PNLIPRP3: variants seen among roughly 807,000 people sequenced by gnomAD.
PNLIPRP3 encodes pancreatic lipase related protein 3.
A neutral mutation model predicts 52.8 loss-of-function variants in PNLIPRP3; 58 were observed. That is an observed-to-expected ratio of 1.10 (90% CI 0.89 to 1.37). The LOEUF is 1.37. Among genes scored for constraint, PNLIPRP3 ranks in the 40% most tolerant of loss-of-function variants. PNLIPRP3 has a pLI of 0.00. For synonymous variants in PNLIPRP3, 192 were observed against 185.0 expected (o/e 1.04, Z -0.31); for missense variants, 593 against 561.6 (o/e 1.06, Z -0.57).
At chr10:116,457,598 A>G (rs2133139228) in intron 5 of PNLIPRP3, among the ~76,000 whole-genome samples, 1 of 152,236 alleles carries the variant, frequency 6.6e-6, no homozygotes, top group South Asian at 2.1e-4. Flanking sequence ...TAGAATAATA[A>G]AAACTGAACT....
At chr10:116,439,829 G>C (rs1026795454) in intron 2 of PNLIPRP3, 8 of 777,430 alleles carry the variant, frequency 1.0e-5, no homozygotes, top group Non-Finnish European at 1.7e-5. Context: ...TTCATTTCCC[G>C]ATCATAGCGC....
intron 1 of PNLIPRP3, among the ~76,000 whole-genome samples, chr10:116,433,062 T>A (rs1845728867): frequency 7.9e-6 from 1 of 127,358 alleles, no homozygotes; most frequent in Admixed American, 1.1e-4. Flanking sequence ...TGCAGTGAGC[T>A]GAGATCGTGC....
At chr10:116,467,432 T>C (rs1373468839) in intron 8 of PNLIPRP3, among the ~76,000 whole-genome samples, 1 of 152,134 alleles carries the variant, frequency 6.6e-6, no homozygotes, top group Non-Finnish European at 1.5e-5. Flanking sequence ...AATAGGATGT[T>C]ACAGTAGCCC....
chr10:116,473,948 C>CA (rs771490177), intron 10 of PNLIPRP3, among the ~76,000 whole-genome samples: 67,493 of 102,958 alleles, frequency 0.66, 23,526 homozygotes, highest in Non-Finnish European at 0.78. Context: ...CATATGGAAC[C>CA]AAAAAAAAAA....
chr10:116,472,437 C>A (rs1223944109), intron 10 of PNLIPRP3, among the ~76,000 whole-genome samples: 1 of 152,098 alleles, frequency 6.6e-6, no homozygotes, highest in Admixed American at 6.5e-5. Context: ...GTATTATGTT[C>A]ATGTCCATTA....
chr10:116,438,847 T>C (rs949840205), intron 2 of PNLIPRP3, among the ~76,000 whole-genome samples: 3 of 152,254 alleles, frequency 2.0e-5, no homozygotes, highest in Admixed American at 1.3e-4. Flanking sequence ...AAAGAAACAT[T>C]CCTCAAAAGC....
chr10:116,427,990 T>G lies in PNLIPRP3; in HGVS notation c.-23T>G, dbSNP rs778399506. On this transcript the variant is annotated 5_prime_UTR_variant, in exon 1 of 12. The change abolishes an upstream ATG in the 5' untranslated region. Transcript: ENST00000369230. ...GTAAAGATCTTCAAGAAGATTTTTA[T>G]GTGATTTAAAAAATCAGCTTAGATG... is the stretch of plus-strand genomic sequence containing the variant. 1.1e-5 allele frequency: 18 copies of G among 1,589,590 alleles called. No homozygotes were observed. In the Admixed American group the frequency reaches 2.9e-4, roughly 25 times the overall value.
intron 1 of PNLIPRP3, among the ~76,000 whole-genome samples, chr10:116,435,229 T>C (rs1845758027): frequency 1.3e-5 from 2 of 152,270 alleles, no homozygotes; most frequent in South Asian, 2.1e-4. Context: ...ATTTTGCTTA[T>C]AGAGCAAAGT....
At position 116,477,779 on chromosome 10, in the gene PNLIPRP3, G is replaced by T. The variant is rs1846499553; in HGVS notation, c.*626G>T. Reference sequence around the variant, plus strand: ...TCATCAGTTAGCAATGGGACCTGAAGTTCAACAACCCAGGGTATAGCCCCC... The same window carrying T: ...TCATCAGTTAGCAATGGGACCTGAATTTCAACAACCCAGGGTATAGCCCCC... On this transcript the variant is annotated 3_prime_UTR_variant, in exon 12 of 12. Coordinates refer to ENST00000369230, the MANE Select transcript of PNLIPRP3 (RefSeq NM_001011709.3). The T allele has an allele frequency of 6.6e-6, 1 of 152,120 alleles. No individual in the cohort carries two copies. The highest frequency in any genetic ancestry group is 1.5e-5 in the Non-Finnish European group (1 of 68,064). 9.4% of individuals were successfully genotyped at this position (152,120 alleles called of 1,614,324 possible).
intron 10 of PNLIPRP3, among the ~76,000 whole-genome samples, chr10:116,476,153 A>G (rs1846462184): frequency 6.6e-6 from 1 of 152,148 alleles, no homozygotes; most frequent in Admixed American, 6.5e-5. Context: ...ATGTCTTTTG[A>G]TCACTAGTTT....
At chr10:116,475,457 T>C (rs1191575914) in intron 10 of PNLIPRP3, among the ~76,000 whole-genome samples, 2 of 152,190 alleles carry the variant, frequency 1.3e-5, no homozygotes, top group Middle Eastern at 3.2e-3. Context: ...GGTTATATCT[T>C]AGCTAATTGG....
intron 10 of PNLIPRP3, 73 bp from the exon 11 acceptor site, chr10:116,476,579 C>G (rs1171589098): frequency 8.0e-7 from 1 of 1,250,490 alleles, no homozygotes; most frequent in Non-Finnish European, 1.1e-6. Context: ...ATAGTGCATA[C>G]ACAGATGTGT....
Position 116,477,164 on chromosome 10 carries a change from A to C in PNLIPRP3, c.*11A>C, listed in dbSNP as rs1458912257. ...CTGAAACCATGCTAATCTCAGATACAGTCTTGATGGATTTCTTTAGTAGGA... is the reference window on the plus strand; with the variant it reads ...CTGAAACCATGCTAATCTCAGATACCGTCTTGATGGATTTCTTTAGTAGGA... On this transcript the variant is annotated 3_prime_UTR_variant, in exon 12 of 12. Transcript: ENST00000369230. 1 of 1,572,116 alleles carries C rather than the reference A, an allele frequency of 6.4e-7. No homozygotes were observed. The highest frequency in any genetic ancestry group is 8.7e-7 in the Non-Finnish European group (1 of 1,147,738).
chr10:116,476,901 C>T, intron 11 of PNLIPRP3, 82 bp downstream of exon 11: 1 of 1,375,876 alleles, frequency 7.3e-7, no homozygotes, highest in Non-Finnish European at 9.8e-7. Context: ...TTGAAATGTG[C>T]AAGTAGCATA....
intron 1 of PNLIPRP3, 73 bp from the exon 2 acceptor site, chr10:116,436,638 A>T: frequency 7.2e-7 from 1 of 1,391,632 alleles, no homozygotes; most frequent in Non-Finnish European, 9.6e-7. Flanking sequence ...ATTCTACTTT[A>T]ACTCATAGTG....
chr10:116,439,895 T>A (rs980451872), intron 2 of PNLIPRP3: 3 of 810,842 alleles, frequency 3.7e-6, no homozygotes, highest in African/African-American at 1.7e-5. Flanking sequence ...CCGGACATTA[T>A]CTTCCACCTC....
At chr10:116,452,916 G>A (rs1484779932) in intron 4 of PNLIPRP3, among the ~76,000 whole-genome samples, 1 of 152,240 alleles carries the variant, frequency 6.6e-6, no homozygotes, top group Non-Finnish European at 1.5e-5. Context: ...CCCCCACACA[G>A]AGTCCCCACT....
In PNLIPRP3 at chr10:116,436,799, C is replaced by T. The variant is rs371201964; in HGVS notation, c.138C>T (p.Pro46=). 4.4e-5 allele frequency: 71 copies of T among 1,613,808 alleles called. No individual in the cohort carries two copies. The South Asian group carries it at 5.9e-4, about 13-fold the overall frequency. ...RTFSTELVGL[P]WSPEKINTRF... ...TCTCAACAGAGTTGGTAGGTTTACC[C>T]TGGTCTCCAGAGAAGATAAACACTC... Residue 46 remains proline, a synonymous_variant, in exon 2 of 12, where the codon CCC becomes CCT. Coordinates refer to ENST00000369230, the MANE Select transcript of PNLIPRP3 (RefSeq NM_001011709.3).
chr10:116,444,524 T>C lies in PNLIPRP3; in HGVS notation c.456+11T>C. The C allele has an allele frequency of 6.2e-7, 1 of 1,603,062 alleles. No homozygotes were observed. Among genetic ancestry groups the C allele is most frequent in the Non-Finnish European group, 8.5e-7 (1 of 1,175,888 alleles). ...ATTGATGTTCTCATGGTAAGAAGAG[T>C]TGATTTTTTTTTAATTATATTGAAT... On this transcript the variant is annotated intron_variant, in intron 4 of 11. Coordinates refer to ENST00000369230, the MANE Select transcript of PNLIPRP3 (RefSeq NM_001011709.3).
Sources: allele counts gnomAD v4.1 joint callset (sites outside exome capture counted in the v4.1 genomes callset), GRCh38; gene constraint gnomAD v4.1.1; transcripts MANE v1.5; gene names NCBI Gene and HGNC (gene_info 2026-07-23, HGNC 2026-07-21).